The following EBF1 variants were observed in gnomAD, a reference collection of about 807,000 sequenced individuals.
EBF1 encodes the protein transcription factor COE1.
EBF1 carries 10 observed loss-of-function variants against 68.4 expected under a neutral mutation model. The ratio of observed to expected loss-of-function variants is 0.15; its 90% CI spans 0.09 to 0.25. The LOEUF is 0.25. Ranked by LOEUF, EBF1 falls within the 10% of genes least tolerant of loss-of-function variation. The pLI is 1.00. For synonymous variants in EBF1, 298 were observed against 299.8 expected, an observed-to-expected ratio of 0.99 and a Z score of 0.06; for missense variants, 509 against 794.4, an observed-to-expected ratio of 0.64 and a Z score of 4.32.
At chr5:158,944,225 C>T (rs1814150916) in intron 6 of EBF1, among the ~76,000 whole-genome samples, 1 of 152,124 alleles carries the variant, frequency 6.6e-6, no homozygotes, top group African/African-American at 2.4e-5. Context: ...CCTTGTCCTC[C>T]ACCCCCCTAC....
chr5:158,883,642 C>T (rs889547161), intron 6 of EBF1, among the ~76,000 whole-genome samples: 7 of 152,120 alleles, frequency 4.6e-5, no homozygotes, highest in African/African-American at 1.4e-4. Context: ...TCTCACAATC[C>T]TATGAGAGTA....
intron 6 of EBF1, among the ~76,000 whole-genome samples, chr5:158,850,911 G>T (rs903727018): frequency 1.3e-5 from 2 of 152,070 alleles, no homozygotes; most frequent in African/African-American, 4.8e-5. Flanking sequence ...GGAGGCTGAG[G>T]CAAGAGAATC....
rs560125127 is a variant in EBF1, at chr5:158,908,083, A to C, written c.555-67973T>G. On this transcript the variant is annotated intron_variant, in intron 6 of 15. Coordinates refer to ENST00000313708, the MANE Select transcript of EBF1 (RefSeq NM_024007.5). ...AAAAATTACTGAGCTGGAGTTTGGC[A>C]ACTGATGAGCAAGGCATAAATCCTG... Among the ~76,000 whole-genome samples, 5 of 152,248 alleles carry C rather than the reference A, an allele frequency of 3.3e-5. No homozygotes were observed. In the East Asian group the frequency reaches 9.6e-4, roughly 29 times the overall value.
intron 6 of EBF1, among the ~76,000 whole-genome samples, chr5:158,886,154 T>C (rs1799991656): frequency 6.6e-6 from 1 of 152,250 alleles, no homozygotes; most frequent in Admixed American, 6.5e-5. Flanking sequence ...ACAGCTATTG[T>C]CTATGCAGCC....
chr5:159,089,520 A>G (rs1184468345), intron 4 of EBF1, among the ~76,000 whole-genome samples: 1 of 152,174 alleles, frequency 6.6e-6, no homozygotes, highest in Non-Finnish European at 1.5e-5. Context: ...TACACAGTGA[A>G]TGTACACCGG....
At chr5:158,742,629 A>G (rs1766666788) in intron 10 of EBF1, among the ~76,000 whole-genome samples, 1 of 152,236 alleles carries the variant, frequency 6.6e-6, no homozygotes, top group Non-Finnish European at 1.5e-5. Flanking sequence ...ATTCTAAAAC[A>G]GTGTGGCAAA....
chr5:159,004,240 C>T (rs1237285594), intron 6 of EBF1, among the ~76,000 whole-genome samples: 3 of 149,930 alleles, frequency 2.0e-5, no homozygotes, highest in African/African-American at 7.4e-5. Context: ...CACACCACTG[C>T]TCTCCCGCCT....
At chr5:158,963,065 G>T (rs1299096185) in intron 6 of EBF1, among the ~76,000 whole-genome samples, 1 of 152,080 alleles carries the variant, frequency 6.6e-6, no homozygotes, top group Non-Finnish European at 1.5e-5. Flanking sequence ...GCCAGTCAAG[G>T]TTTTACTACA....
intron 10 of EBF1, among the ~76,000 whole-genome samples, chr5:158,734,856 T>C (rs1421153199): frequency 1.3e-5 from 2 of 152,188 alleles, no homozygotes. Context: ...ACAGCTTGTG[T>C]GGCCCTGCTT....
chr5:158,892,974 C>T (rs774620812), intron 6 of EBF1, among the ~76,000 whole-genome samples: 10 of 151,056 alleles, frequency 6.6e-5, no homozygotes, highest in Non-Finnish European at 1.2e-4. Flanking sequence ...TAGCCTGACA[C>T]GTTTCTTCTT....
intron 8 of EBF1, among the ~76,000 whole-genome samples, chr5:158,805,954 G>C (rs907029824): frequency 6.6e-6 from 1 of 151,980 alleles, no homozygotes; most frequent in African/African-American, 2.4e-5. Flanking sequence ...GTTTTAAGGA[G>C]GCATGTTTTT....
chr5:159,017,671 T>G (rs1765887667), intron 6 of EBF1, among the ~76,000 whole-genome samples: 1 of 152,228 alleles, frequency 6.6e-6, no homozygotes, highest in African/African-American at 2.4e-5. Flanking sequence ...CAGTTACCAT[T>G]TATGTTACCA....
At chr5:158,891,281 A>G (rs576614105) in intron 6 of EBF1, among the ~76,000 whole-genome samples, 4 of 152,176 alleles carry the variant, frequency 2.6e-5, no homozygotes, top group Non-Finnish European at 5.9e-5. Flanking sequence ...CAGTTAGAAA[A>G]CTAAGTGCAG....
intron 6 of EBF1, among the ~76,000 whole-genome samples, chr5:158,998,318 T>A (rs369323245): frequency 3.3e-5 from 5 of 152,122 alleles, no homozygotes; most frequent in Admixed American, 3.3e-4. Context: ...AAGGCTTTCC[T>A]CCACCCTTCT....
chr5:158,938,120 C>T (rs930657158), intron 6 of EBF1, among the ~76,000 whole-genome samples: 1 of 152,140 alleles, frequency 6.6e-6, no homozygotes, highest in Non-Finnish European at 1.5e-5. Flanking sequence ...TGGTTTTGTT[C>T]TTGTTTTGTT....
intron 10 of EBF1, among the ~76,000 whole-genome samples, chr5:158,774,887 C>T (rs1316790793): frequency 6.6e-6 from 1 of 151,882 alleles, no homozygotes; most frequent in Non-Finnish European, 1.5e-5. Flanking sequence ...CTGTTAACAG[C>T]CAAGTAACTA....
At position 158,909,661 on chromosome 5, in the gene EBF1, G is replaced by A. The variant is rs577022766; in HGVS notation, c.555-69551C>T. Among the ~76,000 whole-genome samples, 7 of 152,172 alleles carry A rather than the reference G, an allele frequency of 4.6e-5. No homozygotes were observed. The South Asian group carries it at 1.0e-3, about 23-fold the overall frequency. On this transcript the variant is annotated intron_variant, in intron 6 of 15. Coordinates refer to ENST00000313708, the MANE Select transcript of EBF1 (RefSeq NM_024007.5). ...ATCAGGTCAAGAAGGAGGGGAGGCC[G>A]GGTGCGGTGGCTGACACCTGTAATC...
At chr5:158,755,941 A>C (rs1487701812) in intron 10 of EBF1, among the ~76,000 whole-genome samples, 1 of 152,206 alleles carries the variant, frequency 6.6e-6, no homozygotes, top group Non-Finnish European at 1.5e-5. Context: ...CCTATTGAAA[A>C]AAAGAAAGTG....
intron 8 of EBF1, among the ~76,000 whole-genome samples, chr5:158,806,832 ACTGT>A: frequency 6.6e-6 from 1 of 152,238 alleles, no homozygotes; most frequent in East Asian, 1.9e-4. Context: ...ACACAACCCT[ACTGT>A]CTATCTTCCA....
Sources: gnomAD v4.1 joint callset for allele counts (sites outside exome capture counted in the v4.1 genomes callset) on GRCh38, gnomAD v4.1.1 for gene constraint, MANE v1.5 for transcripts, NCBI Gene and HGNC (gene_info 2026-07-23, HGNC 2026-07-21) for gene names.